The following RNF126 variants were observed in gnomAD, a reference collection of about 807,000 sequenced individuals.
The protein encoded by RNF126 is E3 ubiquitin-protein ligase RNF126.
In RNF126, 20 loss-of-function variants were observed where a neutral mutation model predicts 41.9. The observed-to-expected ratio is 0.48, with a 90% CI of 0.34 to 0.69. RNF126 has a LOEUF of 0.69. Ranked by LOEUF, RNF126 falls within the 30% of genes least tolerant of loss-of-function variation. The pLI, the probability that RNF126 is intolerant of heterozygous loss-of-function variation, is 0.01. For missense variants in RNF126, 433 were observed against 460.6 expected (o/e 0.94, Z 0.55); for synonymous variants, 239 against 202.9 (o/e 1.18, Z -1.51).
chr19:662,239 C>T (rs981182357), intron 1 of RNF126, among the ~76,000 whole-genome samples: 8 of 152,236 alleles, frequency 5.3e-5, no homozygotes, highest in Non-Finnish European at 1.2e-4. Flanking sequence ...GGAAATAGCA[C>T]CTTCAACGAG....
chr19:649,109 C>T, intron 6 of RNF126, 134 bp from the exon 7 acceptor site: 2 of 412,344 alleles, frequency 4.9e-6, no homozygotes, highest in Non-Finnish European at 4.2e-6. Flanking sequence ...GGAGCCCGCC[C>T]GGGGTCGGAG....
At chr19:662,762 G>A (rs2030865887) in intron 1 of RNF126, among the ~76,000 whole-genome samples, 1 of 152,108 alleles carries the variant, frequency 6.6e-6, no homozygotes, top group African/African-American at 2.4e-5. Context: ...GGTCGGGAAC[G>A]CCGCGGATGT....
chr19:656,083 T>C (rs1431648472), intron 1 of RNF126, among the ~76,000 whole-genome samples: 2 of 152,012 alleles, frequency 1.3e-5, no homozygotes, highest in African/African-American at 2.4e-5. Context: ...TGGGTTCTTT[T>C]TGCAGCTGTG....
rs949445571 is a variant in RNF126 at position 647,814 on chromosome 19, C to T, written c.*314G>A. On this transcript the variant is annotated 3_prime_UTR_variant, in exon 9 of 9. Coordinates refer to ENST00000292363, the MANE Select transcript of RNF126 (RefSeq NM_194460.3). ...AAACCATGCATGGCCGCCACGTGAG[C>T]TCAAACGTCCGTTTATTTCAAAGCA... 12 of 452,950 alleles carry T rather than the reference C, an allele frequency of 2.6e-5. No homozygotes were observed. The highest frequency in any genetic ancestry group is 6.1e-5 in the African/African-American group (3 of 48,844). 28.1% of individuals were successfully genotyped at this position (452,950 alleles called of 1,614,324 possible). A position where few individuals can be genotyped will look rare whatever the true frequency, so the allele number is the denominator to read the frequency against.
intron 7 of RNF126, 85 bp from the exon 8 acceptor site, chr19:648,572 G>A: frequency 5.2e-6 from 6 of 1,146,698 alleles, no homozygotes; most frequent in Non-Finnish European, 7.5e-6. Flanking sequence ...GCCTCAGCCG[G>A]AGGCCGCCCC....
intron 6 of RNF126, 139 bp downstream of exon 6, chr19:649,540 C>A (rs930377320): frequency 1.5e-6 from 1 of 663,160 alleles, no homozygotes; most frequent in Non-Finnish European, 2.6e-6. Flanking sequence ...GCCCCCTGTG[C>A]CCGCCAGAGC....
At chr19:651,498 A>T in intron 4 of RNF126, 113 bp downstream of exon 4, 1 of 1,148,166 alleles carries the variant, frequency 8.7e-7, no homozygotes, top group Non-Finnish European at 1.1e-6. Flanking sequence ...CGGCCTCTCC[A>T]GAGAGCCTAT....
chr19:648,711 G>T (rs548886992), intron 7 of RNF126, among the ~76,000 whole-genome samples, 171 bp downstream of exon 7: 133 of 152,340 alleles, frequency 8.7e-4, no homozygotes, highest in African/African-American at 3.1e-3. Flanking sequence ...GCTCACGCCT[G>T]TCATCCCAGC....
chr19:649,230 G>GC lies in RNF126; in HGVS notation c.577-256_577-255insG, dbSNP rs1030629358. 1.1e-3 allele frequency: 283 copies of GC among 258,860 alleles called. 7 individuals are homozygous for GC. The highest frequency in any genetic ancestry group is 5.8e-3 in the African/African-American group (263 of 45,132). 16.0% of individuals were successfully genotyped at this position (258,860 alleles called of 1,614,324 possible). ...TCCCTGACAGCGGAATGGGGGGGGG[G>GC]GCCGCGCTCCTGAGTGCCCTGACGG... On this transcript the variant is annotated intron_variant, in intron 6 of 8. Coordinates refer to ENST00000292363, the MANE Select transcript of RNF126 (RefSeq NM_194460.3).
Position 649,757 on chromosome 19 carries a change from G to A in RNF126, c.507-9C>T. 1 of 1,559,290 alleles carries A rather than the reference G, an allele frequency of 6.4e-7. No individual in the cohort carries two copies. The highest frequency in any genetic ancestry group is 8.7e-7 in the Non-Finnish European group (1 of 1,150,376). On this transcript the variant is annotated splice_polypyrimidine_tract_variant and intron_variant, in intron 5 of 8. Transcript: ENST00000292363. Reference sequence around the variant, plus strand: ...TTGAGTGCAGGACTCCCCTGGAGGTGGAAGGTGGGGTTCAAGTGGCTGACG... The same window carrying A: ...TTGAGTGCAGGACTCCCCTGGAGGTAGAAGGTGGGGTTCAAGTGGCTGACG...
In RNF126 at chr19:659,169, G is replaced by A. The variant is rs577425572; in HGVS notation, c.75+3878C>T. ...CACTGTCACGGTATCTGGCACAACC[G>A]CAGACACACAGAGCAAGCAGCGGCC... On this transcript the variant is annotated intron_variant, in intron 1 of 8. Coordinates refer to ENST00000292363, the MANE Select transcript of RNF126 (RefSeq NM_194460.3). This position sits in a 1 kb window ranked among gnomAD's most constrained non-coding sequence, Gnocchi z 4.9. Among the ~76,000 whole-genome samples the A allele has an allele frequency of 4.6e-5, 7 of 152,276 alleles. No individual in the cohort carries two copies. In the East Asian group the frequency reaches 1.4e-3, roughly 29 times the overall value.
intron 2 of RNF126, 198 bp downstream of exon 2, chr19:652,628 C>G: frequency 1.6e-6 from 1 of 618,090 alleles, no homozygotes; most frequent in Non-Finnish European, 2.8e-6. Flanking sequence ...TGCCGGCACT[C>G]CCCTCTGGCC....
intron 1 of RNF126, among the ~76,000 whole-genome samples, chr19:653,551 G>A (rs559321824): frequency 3.1e-4 from 47 of 152,326 alleles, no homozygotes; most frequent in African/African-American, 5.5e-4. Context: ...ACACTGCAAC[G>A]GGATCCCCAG....
chr19:649,829 A>G (rs12974698), intron 5 of RNF126, 81 bp from the exon 6 acceptor site: 5 of 1,159,866 alleles, frequency 4.3e-6, no homozygotes, highest in Non-Finnish European at 6.3e-6. Flanking sequence ...CCAGGGGCCC[A>G]GGCTGGGGAT....
intron 7 of RNF126, among the ~76,000 whole-genome samples, 166 bp from the exon 8 acceptor site, chr19:648,653 T>G (rs2030101506): frequency 6.6e-6 from 1 of 152,046 alleles, no homozygotes; most frequent in Non-Finnish European, 1.5e-5. Flanking sequence ...GACAGAACCC[T>G]CTCCTCCCAG....
At position 648,088 on chromosome 19, in the gene RNF126, GT is replaced by G; in HGVS notation, c.*39del. On this transcript the variant is annotated 3_prime_UTR_variant, in exon 9 of 9. Transcript: ENST00000292363. ...GCCGTGTGGCGCTGGCTGAGGGTGG[GT>G]GGGAAAGGCCCCGTGCTTTCCCGAC... 6.6e-7 allele frequency: 1 copy of G among 1,520,186 alleles called. No homozygotes were observed. The highest frequency in any genetic ancestry group is 1.4e-5 in the African/African-American group (1 of 72,768). The allele number at this position is 1,520,186 out of a possible 1,614,324, so 94.2% of individuals were successfully genotyped here.
chr19:663,048 G>A lies in RNF126; in HGVS notation c.74C>T (p.Pro25Leu). The change falls in exon 1 of 9, where the codon CCG becomes CTG. Residue 25 changes from proline (P) to leucine (L), a missense_variant and splice_region_variant. Physicochemically the swap from Pro to Leu is moderately conservative, Grantham distance 98. Coordinates refer to ENST00000292363, the MANE Select transcript of RNF126 (RefSeq NM_194460.3). ...CCSVEIVPRLPDYICPRCESG... is the reference protein window; with the variant it reads ...CCSVEIVPRLLDYICPRCESG... ...CCGCCGCCCCGGCCCGGGCCTCACC[G>A]GCAGGCGCGGGACGATCTCCACGGA... The A allele has an allele frequency of 7.3e-7, 1 of 1,367,132 alleles. No homozygotes were observed. The highest frequency in any genetic ancestry group is 3.0e-5 in the Admixed American group (1 of 33,704). The allele number at this position is 1,367,132 out of a possible 1,614,324, so 84.7% of individuals were successfully genotyped here.
Position 648,854 on chromosome 19 carries a change from C to T in RNF126, c.670+28G>A, listed in dbSNP as rs201384051. 3.7e-6 allele frequency: 5 copies of T among 1,342,874 alleles called. No individual in the cohort carries two copies. In the Admixed American group the frequency reaches 1.3e-4, roughly 35 times the overall value. The allele number at this position is 1,342,874 out of a possible 1,614,324, so 83.2% of individuals were successfully genotyped here. ...CGTGGCGGCGGGTGCCTGTAATTCC[C>T]ACTACTCGGGAGGCTGAGCTCTCAT... On this transcript the variant is annotated intron_variant, in intron 7 of 8. Transcript: ENST00000292363.
intron 7 of RNF126, 94 bp from the exon 8 acceptor site, chr19:648,581 CCT>C (rs969155922): frequency 6.7e-6 from 7 of 1,046,298 alleles, no homozygotes; most frequent in Admixed American, 4.1e-5. Flanking sequence ...GGAGGCCGCC[CCT>C]GAGCCCAGCG....
Sources: gnomAD v4.1 joint callset for allele counts (sites outside exome capture counted in the v4.1 genomes callset) on GRCh38, gnomAD v4.1.1 for gene constraint, Gnocchi (gnomAD v3.1) non-coding constraint, MANE v1.5 for transcripts, NCBI Gene and HGNC (gene_info 2026-07-23, HGNC 2026-07-21) for gene names.